Variants in SNX29 observed in about 807,000 individuals in gnomAD.
The protein encoded by SNX29 is sorting nexin 29, also known as sorting nexin-29.
A neutral mutation model predicts 102.1 loss-of-function variants in SNX29; 78 were observed. The observed-to-expected ratio is 0.76, with a 90% CI of 0.64 to 0.92. The LOEUF (loss-of-function observed/expected upper bound fraction) is 0.92, where lower values mean the gene tolerates loss of function less well. SNX29 is among the 40% of genes least tolerant of loss of function. The pLI is 0.00. For synonymous variants in SNX29, 580 were observed against 414.5 expected (o/e 1.40, Z -4.85); for missense variants, 1,280 against 1,061.7 (o/e 1.21, Z -2.86).
At chr16:12,405,292 TTTAGCTCC>T (rs1256225978) in intron 18 of SNX29, among the ~76,000 whole-genome samples, 1 of 152,250 alleles carries the variant, frequency 6.6e-6, no homozygotes, top group African/African-American at 2.4e-5. Flanking sequence ...CTTGGCAATT[TTTAGCTCC>T]TGAAAGCTAT....
intron 2 of SNX29, among the ~76,000 whole-genome samples, chr16:12,002,242 G>C (rs1394888156): frequency 6.6e-6 from 1 of 152,036 alleles, no homozygotes; most frequent in Non-Finnish European, 1.5e-5. Flanking sequence ...GAGGTCGGGA[G>C]TTCAAGACCA....
chr16:12,543,981 A>AG (rs1039844769), intron 20 of SNX29, among the ~76,000 whole-genome samples: 1 of 152,216 alleles, frequency 6.6e-6, no homozygotes, highest in African/African-American at 2.4e-5. Context: ...GTCTCAGCCA[A>AG]GGTCACACCA....
intron 14 of SNX29, among the ~76,000 whole-genome samples, chr16:12,275,715 G>A (rs1209291708): frequency 7.0e-6 from 1 of 142,640 alleles, no homozygotes; most frequent in African/African-American, 2.6e-5. Flanking sequence ...TGTGAGCGAT[G>A]TCTTTATAAA....
chr16:12,347,225 C>T (rs1288801004), intron 15 of SNX29, among the ~76,000 whole-genome samples: 3 of 152,060 alleles, frequency 2.0e-5, no homozygotes, highest in African/African-American at 7.2e-5. Flanking sequence ...ACAGCACTGT[C>T]TCGGTGGCAC....
intron 19 of SNX29, among the ~76,000 whole-genome samples, chr16:12,512,600 T>C (rs768169103): frequency 1.6e-4 from 25 of 151,522 alleles, no homozygotes; most frequent in Non-Finnish European, 3.1e-4. Flanking sequence ...GTGGGACTCA[T>C]GAGCAGTACT....
intron 14 of SNX29, among the ~76,000 whole-genome samples, chr16:12,248,779 G>A (rs999230460): frequency 7.2e-5 from 11 of 151,826 alleles, no homozygotes; most frequent in African/African-American, 2.2e-4. Flanking sequence ...TTCTGGCACT[G>A]CTTTATTTTT....
intron 20 of SNX29, among the ~76,000 whole-genome samples, chr16:12,559,241 G>A (rs1289828627): frequency 2.0e-5 from 3 of 151,976 alleles, no homozygotes; most frequent in East Asian, 1.9e-4. Flanking sequence ...CCCATCACTC[G>A]CATCACCGCC....
chr16:12,056,445 G>T (rs951919573), intron 8 of SNX29, among the ~76,000 whole-genome samples: 6 of 152,208 alleles, frequency 3.9e-5, no homozygotes, highest in Admixed American at 3.9e-4. Context: ...AAGACACAGC[G>T]GAGTGATGGG....
intron 14 of SNX29, among the ~76,000 whole-genome samples, chr16:12,255,534 C>T (rs1324596041): frequency 6.6e-6 from 1 of 152,150 alleles, no homozygotes; most frequent in African/African-American, 2.4e-5. Context: ...AGCATCCCCC[C>T]ATCTCTCCCC....
intron 15 of SNX29, among the ~76,000 whole-genome samples, chr16:12,302,834 C>T (rs2080222149): frequency 6.6e-6 from 1 of 152,208 alleles, no homozygotes; most frequent in Non-Finnish European, 1.5e-5. Flanking sequence ...AAAGACATCT[C>T]ATCAGTGCAC....
chr16:12,476,268 C>A (rs1405631860), intron 18 of SNX29, among the ~76,000 whole-genome samples: 4 of 137,650 alleles, frequency 2.9e-5, no homozygotes, highest in Non-Finnish European at 6.1e-5. Flanking sequence ...TTGCTGAGAT[C>A]GTGCCACTGC....
At chr16:12,033,209 G>A (rs1262705121) in intron 4 of SNX29, among the ~76,000 whole-genome samples, 1 of 151,984 alleles carries the variant, frequency 6.6e-6, no homozygotes, top group Non-Finnish European at 1.5e-5. Context: ...GTATACATGG[G>A]GAGAACCAGA....
chr16:12,349,170 A>G (rs13338250), intron 15 of SNX29, among the ~76,000 whole-genome samples: 18,215 of 152,260 alleles, frequency 0.12, 2,509 homozygotes, highest in African/African-American at 0.34. Flanking sequence ...TTCCTCAAAT[A>G]GGCACAGTGT....
At chr16:12,274,540 CTTTT>C (rs111226323) in intron 14 of SNX29, among the ~76,000 whole-genome samples, 1 of 143,834 alleles carries the variant, frequency 7.0e-6, no homozygotes. Context: ...CTCCCCACCT[CTTTT>C]TTTTTTTTTT....
intron 4 of SNX29, chr16:12,027,659 A>G: frequency 2.0e-6 from 1 of 493,510 alleles, no homozygotes; most frequent in Non-Finnish European, 3.5e-6. Context: ...CAGAATTCTC[A>G]GAGCCACATG....
At chr16:12,563,557 C>T (rs1380019528) in intron 20 of SNX29, among the ~76,000 whole-genome samples, 1 of 152,202 alleles carries the variant, frequency 6.6e-6, no homozygotes, top group Non-Finnish European at 1.5e-5. Context: ...CCTGAGGGGT[C>T]TACCCCACCC....
intron 9 of SNX29, among the ~76,000 whole-genome samples, chr16:12,068,497 CAAAAA>C (rs150995842): frequency 4.6e-5 from 4 of 87,464 alleles, no homozygotes; most frequent in African/African-American, 9.5e-5. Context: ...GACCCTGTCT[CAAAAA>C]AAAAAAAAAA....
At chr16:12,424,863 A>T (rs1316851535) in intron 18 of SNX29, among the ~76,000 whole-genome samples, 1 of 152,232 alleles carries the variant, frequency 6.6e-6, no homozygotes, top group African/African-American at 2.4e-5. Context: ...GTCATCATGG[A>T]ATTACAGTCT....
At chr16:12,140,002 AAAG>A in intron 13 of SNX29, among the ~76,000 whole-genome samples, 1 of 151,390 alleles carries the variant, frequency 6.6e-6, no homozygotes, top group African/African-American at 2.4e-5. Flanking sequence ...AAAAAAAAAA[AAAG>A]GAAAAGGAAT....
Sources: allele counts gnomAD v4.1 joint callset (sites outside exome capture counted in the v4.1 genomes callset), GRCh38; gene constraint gnomAD v4.1.1; transcripts MANE v1.5; gene names NCBI Gene and HGNC (gene_info 2026-07-23, HGNC 2026-07-21).